The following SEC14L1 variants were observed in gnomAD, a reference collection of about 807,000 sequenced individuals.
The protein encoded by SEC14L1 is SEC14-like protein 1.
A neutral mutation model predicts 85.3 loss-of-function variants in SEC14L1; 48 were observed. That is an observed-to-expected ratio of 0.56 (90% CI 0.45 to 0.72). The LOEUF (loss-of-function observed/expected upper bound fraction) is 0.72, where lower values mean the gene tolerates loss of function less well. Ranked by LOEUF, SEC14L1 falls within the 30% of genes least tolerant of loss-of-function variation. The pLI, the probability that SEC14L1 is intolerant of heterozygous loss-of-function variation, is 0.00. For synonymous variants in SEC14L1, 391 were observed against 355.5 expected, an observed-to-expected ratio of 1.10 and a Z score of -1.12; for missense variants, 682 against 921.4, an observed-to-expected ratio of 0.74 and a Z score of 3.36.
At chr17:77,092,480 C>T (rs1376935145) in intron 2 of SEC14L1, among the ~76,000 whole-genome samples, 1 of 151,982 alleles carries the variant, frequency 6.6e-6, no homozygotes, top group African/African-American at 2.4e-5. Context: ...GGGGAGCTCC[C>T]TAGTGAGAGC....
chr17:77,125,905 A>C (rs1972434732), intron 3 of SEC14L1, among the ~76,000 whole-genome samples: 1 of 152,176 alleles, frequency 6.6e-6, no homozygotes, highest in Non-Finnish European at 1.5e-5. Flanking sequence ...TAATCCCAAC[A>C]CTTTGGGAGG....
chr17:77,165,894 T>C (rs1169312969), intron 3 of SEC14L1, among the ~76,000 whole-genome samples: 1 of 152,226 alleles, frequency 6.6e-6, no homozygotes, highest in Non-Finnish European at 1.5e-5. Context: ...TTGGTGCATT[T>C]CCAAAGTTTA....
intron 3 of SEC14L1, among the ~76,000 whole-genome samples, chr17:77,159,812 T>C (rs1242058205): frequency 1.3e-5 from 2 of 152,224 alleles, no homozygotes; most frequent in African/African-American, 4.8e-5. Flanking sequence ...TTGTTAATTT[T>C]TTAACAAAGA....
upstream of SEC14L1, among the ~76,000 whole-genome samples, chr17:77,140,484 A>G (rs1428287050): frequency 6.6e-6 from 1 of 152,252 alleles, no homozygotes; most frequent in Non-Finnish European, 1.5e-5. Flanking sequence ...GAAATGAGGA[A>G]GCACGGGGGC....
chr17:77,127,856 G>A (rs1972496749), intron 3 of SEC14L1: 1 of 152,176 alleles, frequency 6.6e-6, no homozygotes, highest in Non-Finnish European at 1.5e-5. Context: ...ATAAGAGAAA[G>A]GAGAGAGATT....
At chr17:77,098,181 T>C (rs1971692651) in intron 3 of SEC14L1, among the ~76,000 whole-genome samples, 1 of 152,204 alleles carries the variant, frequency 6.6e-6, no homozygotes, top group Admixed American at 6.6e-5. Flanking sequence ...TTTTTCCCTC[T>C]AATGGTAGTT....
At chr17:77,123,299 T>C (rs1194673824) in intron 3 of SEC14L1, among the ~76,000 whole-genome samples, 2 of 151,892 alleles carry the variant, frequency 1.3e-5, no homozygotes, top group African/African-American at 4.8e-5. Flanking sequence ...TCCACCTGCC[T>C]CGGCCTCCCA....
At chr17:77,198,375 T>C (rs1170808734) in intron 8 of SEC14L1, among the ~76,000 whole-genome samples, 9 of 152,202 alleles carry the variant, frequency 5.9e-5, no homozygotes, top group African/African-American at 2.2e-4. Flanking sequence ...TTACGATCTT[T>C]GTGAAAGTTG....
chr17:77,095,252 CATT>C (rs1163728189), intron 3 of SEC14L1, among the ~76,000 whole-genome samples: 1 of 152,212 alleles, frequency 6.6e-6, no homozygotes, highest in Non-Finnish European at 1.5e-5. Flanking sequence ...GAGCTTTCCT[CATT>C]ATCACCCCGA....
upstream of SEC14L1, among the ~76,000 whole-genome samples, chr17:77,140,486 C>A (rs1002292999): frequency 6.6e-6 from 1 of 152,238 alleles, no homozygotes; most frequent in Non-Finnish European, 1.5e-5. Flanking sequence ...AATGAGGAAG[C>A]ACGGGGGCAG....
Position 77,216,000 on chromosome 17 carries a change from A to G in SEC14L1, c.*1977A>G. 2.2e-6 allele frequency: 2 copies of G among 918,546 alleles called. No individual in the cohort carries two copies. The highest frequency in any genetic ancestry group is 2.5e-6 in the Non-Finnish European group (2 of 791,526). 56.9% of individuals were successfully genotyped at this position (918,546 alleles called of 1,614,324 possible). A position where few individuals can be genotyped will look rare whatever the true frequency, so the allele number is the denominator to read the frequency against. ...GGGTTAGTAGGTAGGGCTAGTAGGT[A>G]GGGTTCGTAGGTAGGGTTCGTAGGT... On this transcript the variant is annotated 3_prime_UTR_variant, in exon 17 of 17. Transcript: ENST00000436233.
intron 3 of SEC14L1, among the ~76,000 whole-genome samples, chr17:77,184,740 C>G (rs1210268216): frequency 2.0e-5 from 3 of 152,230 alleles, no homozygotes; most frequent in African/African-American, 7.2e-5. Flanking sequence ...GCCAGGTTTG[C>G]TCATCATGAA....
At chr17:77,119,005 G>A (rs976493341) in intron 3 of SEC14L1, among the ~76,000 whole-genome samples, 1 of 152,066 alleles carries the variant, frequency 6.6e-6, no homozygotes, top group Admixed American at 6.6e-5. Context: ...CATTGATGAA[G>A]GAAGAAAAAT....
chr17:77,126,404 AG>A (rs1466655910), intron 3 of SEC14L1, among the ~76,000 whole-genome samples: 3 of 152,244 alleles, frequency 2.0e-5, no homozygotes, highest in Non-Finnish European at 2.9e-5. Context: ...TGAATTCAAT[AG>A]GGTGCTGAAT....
intron 9 of SEC14L1, among the ~76,000 whole-genome samples, chr17:77,202,873 C>T (rs563440325): frequency 2.6e-5 from 4 of 150,988 alleles, no homozygotes; most frequent in East Asian, 2.0e-4. Context: ...GAGCTGAGAT[C>T]GTGCCACTGC....
In SEC14L1 at chr17:77,214,688, C is replaced by G; in HGVS notation, c.*665C>G. 1.0e-6 allele frequency: 1 copy of G among 985,576 alleles called. No homozygotes were observed. The highest frequency in any genetic ancestry group is 4.7e-5 in the South Asian group (1 of 21,296). 61.1% of individuals were successfully genotyped at this position (985,576 alleles called of 1,614,324 possible). On this transcript the variant is annotated 3_prime_UTR_variant, in exon 17 of 17. Coordinates refer to ENST00000436233, the MANE Select transcript of SEC14L1 (RefSeq NM_001143998.2). Reference sequence around the variant, plus strand: ...CCTGGTGACTCCAGGAAAATGCTGCCATCGTTAAACATTACTTTCTCTTTC... The same window carrying G: ...CCTGGTGACTCCAGGAAAATGCTGCGATCGTTAAACATTACTTTCTCTTTC...
intron 3 of SEC14L1, among the ~76,000 whole-genome samples, chr17:77,169,496 A>G (rs1012078576): frequency 8.5e-5 from 13 of 152,220 alleles, no homozygotes; most frequent in African/African-American, 3.1e-4. Flanking sequence ...TGCCTGCCGC[A>G]CAAGCCTAAC....
chr17:77,209,253 T>C (rs2143193531), intron 13 of SEC14L1, 89 bp from the exon 14 acceptor site: 2 of 1,498,812 alleles, frequency 1.3e-6, no homozygotes, highest in Admixed American at 1.9e-5. Context: ...AGAAGTTGAG[T>C]GCAGGGGGAT....
intron 3 of SEC14L1, among the ~76,000 whole-genome samples, chr17:77,099,582 C>T (rs563983025): frequency 2.0e-5 from 3 of 152,244 alleles, no homozygotes; most frequent in African/African-American, 7.2e-5. Context: ...CATGGTGAAA[C>T]CTCGTCTCTA....
Sources: allele counts gnomAD v4.1 joint callset (sites outside exome capture counted in the v4.1 genomes callset), GRCh38; gene constraint gnomAD v4.1.1; transcripts MANE v1.5; gene names NCBI Gene and HGNC (gene_info 2026-07-23, HGNC 2026-07-21).